The following ACO1 variants were observed in gnomAD, a reference collection of about 807,000 sequenced individuals.
ACO1 encodes the protein cytoplasmic aconitate hydratase.
A neutral mutation model predicts 105.1 loss-of-function variants in ACO1; 78 were observed. The observed-to-expected ratio is 0.74, with a 90% CI of 0.62 to 0.90. ACO1 has a LOEUF of 0.90. ACO1 is among the 40% of genes least tolerant of loss of function. The pLI is 0.00. For missense variants in ACO1, 965 were observed against 1,111.1 expected, an observed-to-expected ratio of 0.87 and a Z score of 1.87; for synonymous variants, 364 against 397.4, an observed-to-expected ratio of 0.92 and a Z score of 1.00.
chr9:32,430,699 A>G (rs1822216242), intron 14 of ACO1, 125 bp downstream of exon 14: 1 of 1,072,264 alleles, frequency 9.3e-7, no homozygotes, highest in African/African-American at 1.6e-5. Flanking sequence ...AGAAGAGAAT[A>G]ATTTCTTTAT....
chr9:32,401,265 A>G (rs1821489503), intron 1 of ACO1, among the ~76,000 whole-genome samples: 1 of 152,190 alleles, frequency 6.6e-6, no homozygotes, highest in African/African-American at 2.4e-5. Flanking sequence ...ACATCACAGA[A>G]GCACCAAAAG....
rs927418116 is a variant in ACO1 at position 32,452,307 on chromosome 9, G to C, written c.*2196G>C. The C allele has an allele frequency of 6.6e-6, 1 of 152,256 alleles. No individual in the cohort carries two copies. Among genetic ancestry groups the C allele is most frequent in the East Asian group, 1.9e-4 (1 of 5,182 alleles). 9.4% of individuals were successfully genotyped at this position (152,256 alleles called of 1,614,324 possible). A position where few individuals can be genotyped will look rare whatever the true frequency, so the allele number is the denominator to read the frequency against. The stretch of plus-strand genomic sequence containing the variant: ...AGGTGGTGAAACCTTAACCCCCCAG[G>C]TAATGGTAATAGAAGCTGGGGCCTT... On this transcript the variant is annotated 3_prime_UTR_variant, in exon 21 of 21. Coordinates refer to ENST00000309951, the MANE Select transcript of ACO1 (RefSeq NM_002197.3).
At position 32,436,273 on chromosome 9, in the gene ACO1, C is replaced by T. The variant is rs753750006; in HGVS notation, c.2123C>T (p.Ser708Phe). 3 of 1,614,194 alleles carry T rather than the reference C, an allele frequency of 1.9e-6. No individual in the cohort carries two copies. The highest frequency in any genetic ancestry group is 2.5e-6 in the Non-Finnish European group (3 of 1,180,018). The change falls in exon 18 of 21, where the codon TCC becomes TTC. Residue 708 changes from serine (S) to phenylalanine (F), a missense_variant. Transcript: ENST00000309951. Reference sequence around the variant, plus strand: ...AGCCTAACTCCACGAGAATTCAACTCCTATGGCTCCCGCCGAGGTAATGAC... The same window carrying T: ...AGCCTAACTCCACGAGAATTCAACTTCTATGGCTCCCGCCGAGGTAATGAC... Reference protein sequence around the residue: ...NRGLTPREFNSYGSRRGNDAV... With the variant: ...NRGLTPREFNFYGSRRGNDAV...
At chr9:32,434,490 G>T in intron 16 of ACO1, 69 bp from the exon 17 acceptor site, 1 of 1,590,820 alleles carries the variant, frequency 6.3e-7, no homozygotes, top group Non-Finnish European at 8.6e-7. Flanking sequence ...GGCCACCATC[G>T]TAGAGACTGA....
chr9:32,399,806 G>A (rs1330862399), intron 1 of ACO1, among the ~76,000 whole-genome samples: 1 of 108,562 alleles, frequency 9.2e-6, no homozygotes, highest in South Asian at 3.4e-4. Context: ...GAGGTCTAGT[G>A]ATTTTTTTTT....
At chr9:32,433,109 A>C (rs1381927736) in intron 15 of ACO1, among the ~76,000 whole-genome samples, 1 of 152,134 alleles carries the variant, frequency 6.6e-6, no homozygotes, top group African/African-American at 2.4e-5. Flanking sequence ...TCAATAATCT[A>C]ATCTAGGAGA....
chr9:32,405,273 C>T (rs765711653), intron 1 of ACO1, among the ~76,000 whole-genome samples: 6 of 152,218 alleles, frequency 3.9e-5, no homozygotes, highest in Admixed American at 6.5e-5. Context: ...CCAAAACTAC[C>T]TCGTACCTAC....
chr9:32,411,614 A>G (rs536254948), intron 4 of ACO1, among the ~76,000 whole-genome samples: 1 of 152,336 alleles, frequency 6.6e-6, no homozygotes, highest in East Asian at 1.9e-4. Flanking sequence ...GGAAATGCAA[A>G]TGGTAGTAAA....
At position 32,448,804 on chromosome 9, in the gene ACO1, A is replaced by G; in HGVS notation, c.2371-92A>G. 1.4e-6 allele frequency: 2 copies of G among 1,405,906 alleles called. 1 individual carries two copies. Among genetic ancestry groups the G allele is most frequent in the Non-Finnish European group, 2.0e-6 (2 of 995,548 alleles). The allele number at this position is 1,405,906 out of a possible 1,614,324, so 87.1% of individuals were successfully genotyped here. A position where few individuals can be genotyped will look rare whatever the true frequency, so the allele number is the denominator to read the frequency against. ...AGACTGGAGCTGTTCCTATTCGGCC[A>G]TCATGCCAGCTCTCTCACAAAGTCT... On this transcript the variant is annotated intron_variant, in intron 19 of 20. Coordinates refer to ENST00000309951, the MANE Select transcript of ACO1 (RefSeq NM_002197.3).
intron 1 of ACO1, among the ~76,000 whole-genome samples, chr9:32,396,987 TA>T (rs200681654): frequency 2.2e-4 from 34 of 151,568 alleles, no homozygotes; most frequent in South Asian, 4.1e-4. Context: ...CTTTTTTTTT[TA>T]AAATCTTGAC....
intron 1 of ACO1, among the ~76,000 whole-genome samples, chr9:32,385,869 G>A (rs1821147426): frequency 6.6e-6 from 1 of 152,214 alleles, no homozygotes; most frequent in African/African-American, 2.4e-5. Flanking sequence ...AAATGCTTCA[G>A]AGGCTTCATT....
chr9:32,390,666 A>G (rs1821249060), intron 1 of ACO1, among the ~76,000 whole-genome samples: 2 of 152,210 alleles, frequency 1.3e-5, no homozygotes, highest in South Asian at 4.1e-4. Context: ...TAAAAGAAAA[A>G]TTTTCAAATA....
In ACO1 at chr9:32,423,299, C is replaced by A; in HGVS notation, c.971-20C>A. ...AAATACTAACCTATGTTACTTGTTA[C>A]TCCTTAAAATGCCTTTTAGGTCGTG... On this transcript the variant is annotated intron_variant, in intron 8 of 20. Coordinates refer to ENST00000309951, the MANE Select transcript of ACO1 (RefSeq NM_002197.3). 7.0e-7 allele frequency: 1 copy of A among 1,421,256 alleles called. No individual in the cohort carries two copies. The highest frequency in any genetic ancestry group is 9.7e-7 in the Non-Finnish European group (1 of 1,027,914). 88.0% of individuals were successfully genotyped at this position (1,421,256 alleles called of 1,614,324 possible). A position where few individuals can be genotyped will look rare whatever the true frequency, so the allele number is the denominator to read the frequency against.
intron 19 of ACO1, among the ~76,000 whole-genome samples, chr9:32,448,035 G>A (rs1487879065): frequency 1.3e-5 from 2 of 152,164 alleles, no homozygotes; most frequent in Non-Finnish European, 2.9e-5. Flanking sequence ...GGACCCACTT[G>A]AGGAGGCAAT....
At chr9:32,401,751 T>C (rs1821500245) in intron 1 of ACO1, among the ~76,000 whole-genome samples, 1 of 152,216 alleles carries the variant, frequency 6.6e-6, no homozygotes, top group South Asian at 2.1e-4. Flanking sequence ...GGCTCATTTG[T>C]TAAATGTCTT....
intron 4 of ACO1, 64 bp from the exon 5 acceptor site, chr9:32,418,064 A>G: frequency 6.8e-7 from 1 of 1,464,348 alleles, no homozygotes; most frequent in Admixed American, 1.8e-5. Flanking sequence ...CTTCATCACC[A>G]ATAAATTTGA....
chr9:32,445,718 T>C, intron 19 of ACO1: 1 of 207,094 alleles, frequency 4.8e-6, no homozygotes, highest in Non-Finnish European at 1.0e-5. Flanking sequence ...GATGTCGATT[T>C]TAGAACTTTC....
intron 1 of ACO1, among the ~76,000 whole-genome samples, chr9:32,389,688 T>G (rs1183027455): frequency 2.0e-5 from 3 of 151,868 alleles, no homozygotes; most frequent in Non-Finnish European, 4.4e-5. Flanking sequence ...TTTTTTTCCT[T>G]TTCTCTATTT....
intron 12 of ACO1, 98 bp from the exon 13 acceptor site, chr9:32,429,321 C>G: frequency 9.1e-7 from 1 of 1,098,784 alleles, no homozygotes; most frequent in Non-Finnish European, 1.4e-6. Flanking sequence ...CACTGCAATT[C>G]CTTTTTGAAC....
Sources: allele counts gnomAD v4.1 joint callset (sites outside exome capture counted in the v4.1 genomes callset), GRCh38; gene constraint gnomAD v4.1.1; transcripts MANE v1.5; gene names NCBI Gene and HGNC (gene_info 2026-07-23, HGNC 2026-07-21).